POLR3G: variants seen among roughly 807,000 people sequenced by gnomAD.
POLR3G encodes the protein DNA-directed RNA polymerase III subunit RPC7.
Under a neutral mutation model 30.1 loss-of-function variants are expected in POLR3G, and 28 were observed. The observed-to-expected ratio is 0.93, with a 90% CI of 0.69 to 1.27. The LOEUF (loss-of-function observed/expected upper bound fraction) is 1.27, where lower values mean the gene tolerates loss of function less well. Ranked by LOEUF, POLR3G falls within the 50% of genes most tolerant of loss-of-function variation. The pLI, the probability that POLR3G is intolerant of heterozygous loss-of-function variation, is 0.00. For missense variants in POLR3G, 254 were observed against 264.6 expected, an observed-to-expected ratio of 0.96 and a Z score of 0.28; for synonymous variants, 79 against 82.5, an observed-to-expected ratio of 0.96 and a Z score of 0.23.
At chr5:90,483,527 G>A (rs1356254882) in intron 1 of POLR3G, among the ~76,000 whole-genome samples, 2 of 152,122 alleles carry the variant, frequency 1.3e-5, no homozygotes, top group Admixed American at 6.5e-5. Flanking sequence ...GCCATTGGCC[G>A]GGCACGGTGG....
At chr5:90,494,628 C>T (rs184113061) in intron 3 of POLR3G, among the ~76,000 whole-genome samples, 14 of 151,944 alleles carry the variant, frequency 9.2e-5, no homozygotes, top group Non-Finnish European at 1.6e-4. Flanking sequence ...TTTGAATTTC[C>T]GTAATGATTG....
In POLR3G at chr5:90,510,089, T is replaced by A. The variant is rs566579511; in HGVS notation, c.586-1964T>A. On this transcript the variant is annotated intron_variant, in intron 7 of 7. Coordinates refer to ENST00000651687, the MANE Select transcript of POLR3G (RefSeq NM_006467.3). ...GGTAGTAGGGTGGTGGTGCTATAGG[T>A]TCTAGTTTGTGTGGTCAATACTCTA... Among the ~76,000 whole-genome samples the A allele has an allele frequency of 2.6e-5, 4 of 152,206 alleles. No homozygotes were observed. In the East Asian group the frequency reaches 7.7e-4, roughly 29 times the overall value.
At chr5:90,511,096 T>C (rs1007839845) in intron 7 of POLR3G, among the ~76,000 whole-genome samples, 1 of 152,130 alleles carries the variant, frequency 6.6e-6, no homozygotes, top group African/African-American at 2.4e-5. Flanking sequence ...CAACCACTCA[T>C]TCATCTACCC....
In POLR3G at chr5:90,506,783, C is replaced by A. The variant is rs1459281679; in HGVS notation, c.585+109C>A. On this transcript the variant is annotated intron_variant, in intron 7 of 7. Coordinates refer to ENST00000651687, the MANE Select transcript of POLR3G (RefSeq NM_006467.3). The stretch of plus-strand genomic sequence containing the variant: ...TAAACAGAAACCAAGATGATGGGAA[C>A]CAGAAGTATATTATTATCAATGGCA... The A allele has an allele frequency of 2.9e-6, 4 of 1,379,372 alleles. No individual in the cohort carries two copies. The Admixed American group carries it at 8.1e-5, about 28-fold the overall frequency. 85.4% of individuals were successfully genotyped at this position (1,379,372 alleles called of 1,614,324 possible).
chr5:90,497,925 G>A (rs967758064), intron 5 of POLR3G, among the ~76,000 whole-genome samples: 1 of 152,038 alleles, frequency 6.6e-6, no homozygotes, highest in African/African-American at 2.4e-5. Flanking sequence ...GGGCAACATA[G>A]TGAGAACTTG....
upstream of POLR3G, chr5:90,474,247 T>C (rs1750650719): frequency 3.7e-6 from 6 of 1,613,600 alleles, 1 homozygote; most frequent in Non-Finnish European, 5.1e-6. Context: ...ATCCAGAAGA[T>C]ACCATCGCCT....
chr5:90,511,138 G>A (rs890242011), intron 7 of POLR3G, among the ~76,000 whole-genome samples: 1 of 151,914 alleles, frequency 6.6e-6, no homozygotes, highest in Non-Finnish European at 1.5e-5. Flanking sequence ...CCCATTCCCC[G>A]TGCCCCATGT....
At chr5:90,485,253 C>T (rs1393253983) in intron 1 of POLR3G, among the ~76,000 whole-genome samples, 2 of 152,308 alleles carry the variant, frequency 1.3e-5, no homozygotes, top group African/African-American at 2.4e-5. Context: ...TGAGATCCTA[C>T]TGCCAAACCA....
intron 6 of POLR3G, chr5:90,502,526 T>G (rs915455104): frequency 7.3e-6 from 3 of 410,090 alleles, no homozygotes; most frequent in African/African-American, 6.5e-5. Context: ...AAAATTTAAT[T>G]TTTCAAAAAT....
At position 90,478,402 on chromosome 5, in the gene POLR3G, C is replaced by T. The variant is rs139083874; in HGVS notation, c.-44+3382C>T. ...CCTGGGATTAAAAAAGTCTTCTAAC[C>T]AGCCTAGACCTATGCTTCCTGAAGT... On this transcript the variant is annotated intron_variant, in intron 1 of 7. Transcript: ENST00000651687. Among the ~76,000 whole-genome samples, 15 of 152,066 alleles carry T rather than the reference C, an allele frequency of 9.9e-5. 1 individual carries two copies. The highest frequency in any genetic ancestry group is 6.5e-4 in the Admixed American group (10 of 15,274).
intron 3 of POLR3G, among the ~76,000 whole-genome samples, chr5:90,493,830 C>T (rs989108112): frequency 6.6e-6 from 1 of 151,150 alleles, no homozygotes; most frequent in African/African-American, 2.4e-5. Context: ...GCCGCAGTCT[C>T]CCAAGTAGCT....
At chr5:90,494,011 A>G (rs1033605903) in intron 3 of POLR3G, among the ~76,000 whole-genome samples, 4 of 151,938 alleles carry the variant, frequency 2.6e-5, no homozygotes, top group Admixed American at 6.6e-5. Context: ...GTGCCCAGCC[A>G]CTATCTAATT....
upstream of POLR3G, chr5:90,474,729 A>C: frequency 1.6e-5 from 3 of 186,576 alleles, no homozygotes; most frequent in South Asian, 9.5e-5. Flanking sequence ...CAGGGCGCGC[A>C]CTCCCAGCTG....
Position 90,513,910 on chromosome 5 carries a change from T to C in POLR3G, c.*1771T>C, listed in dbSNP as rs1046269511. The C allele has an allele frequency of 1.1e-4, 17 of 152,192 alleles. No homozygotes were observed. The highest frequency in any genetic ancestry group is 4.1e-4 in the African/African-American group (17 of 41,440). 9.4% of individuals were successfully genotyped at this position (152,192 alleles called of 1,614,324 possible). On this transcript the variant is annotated 3_prime_UTR_variant, in exon 8 of 8. Transcript: ENST00000651687. Reference sequence around the variant, plus strand: ...TCCTTAGTACCAGAGCCAAATACAATTTAGTTTTCAGAAATCTTATCAATA... The same window carrying C: ...TCCTTAGTACCAGAGCCAAATACAACTTAGTTTTCAGAAATCTTATCAATA...
At chr5:90,506,933 G>A (rs1752515751) in intron 7 of POLR3G, among the ~76,000 whole-genome samples, 1 of 152,194 alleles carries the variant, frequency 6.6e-6, no homozygotes, top group Non-Finnish European at 1.5e-5. Context: ...GTATAAATCT[G>A]CAAGTTAAGG....
At chr5:90,488,510 T>C (rs1751563848) in intron 3 of POLR3G, among the ~76,000 whole-genome samples, 1 of 152,176 alleles carries the variant, frequency 6.6e-6, no homozygotes, top group African/African-American at 2.4e-5. Context: ...TCTTCCTTTT[T>C]TCACTCAGTA....
intron 3 of POLR3G, among the ~76,000 whole-genome samples, chr5:90,494,419 A>G (rs1325031726): frequency 6.6e-6 from 1 of 152,244 alleles, no homozygotes; most frequent in Non-Finnish European, 1.5e-5. Context: ...TTGGGTATAT[A>G]CATAGGATCA....
At chr5:90,510,405 G>A (rs868234343) in intron 7 of POLR3G, among the ~76,000 whole-genome samples, 1 of 151,852 alleles carries the variant, frequency 6.6e-6, no homozygotes, top group African/African-American at 2.4e-5. Context: ...GATTACTAAC[G>A]TCACACAATT....
chr5:90,484,319 A>G (rs1256607731), intron 1 of POLR3G, among the ~76,000 whole-genome samples: 1 of 152,138 alleles, frequency 6.6e-6, no homozygotes, highest in African/African-American at 2.4e-5. Flanking sequence ...CCATTGCTCT[A>G]GTTTCTTAAG....
Sources: gnomAD v4.1 joint callset for allele counts (sites outside exome capture counted in the v4.1 genomes callset) on GRCh38, gnomAD v4.1.1 for gene constraint, MANE v1.5 for transcripts, NCBI Gene and HGNC (gene_info 2026-07-23, HGNC 2026-07-21) for gene names.